CXADR: variants seen among roughly 807,000 people sequenced by gnomAD.
CXADR encodes the protein coxsackievirus and adenovirus receptor.
In CXADR, 20 loss-of-function variants were observed where a neutral mutation model predicts 40.3. The observed-to-expected ratio is 0.50, with a 90% confidence interval of 0.35 to 0.72. The LOEUF is 0.72. Among genes scored for constraint, CXADR ranks in the 30% least tolerant of loss-of-function variants. CXADR has a pLI of 0.01. For missense variants in CXADR, 332 were observed against 449.1 expected, an observed-to-expected ratio of 0.74 and a Z score of 2.36; for synonymous variants, 150 against 161.3, an observed-to-expected ratio of 0.93 and a Z score of 0.53.
At chr21:17,522,559 C>A (rs1407032561) in intron 1 of CXADR, among the ~76,000 whole-genome samples, 4 of 152,138 alleles carry the variant, frequency 2.6e-5, no homozygotes, top group Non-Finnish European at 5.9e-5. Flanking sequence ...TAATTTTCAT[C>A]CCCTTCTACT....
intron 1 of CXADR, among the ~76,000 whole-genome samples, chr21:17,524,943 C>G (rs1054091678): frequency 1.3e-5 from 2 of 152,106 alleles, no homozygotes; most frequent in African/African-American, 4.8e-5. Context: ...TAAATTAAGC[C>G]TTTGAGTTTA....
chr21:17,529,102 G>A (rs2060637464), intron 1 of CXADR, among the ~76,000 whole-genome samples: 1 of 147,130 alleles, frequency 6.8e-6, no homozygotes, highest in African/African-American at 2.5e-5. Flanking sequence ...GCAGTGGCGC[G>A]ATCTAGGCTC....
chr21:17,570,269 G>T (rs1047982223), downstream of CXADR, among the ~76,000 whole-genome samples: 5 of 152,110 alleles, frequency 3.3e-5, no homozygotes, highest in African/African-American at 7.2e-5. Flanking sequence ...TTGAAAACAT[G>T]TCAAGCATAC....
chr21:17,566,168 G>T lies in CXADR; in HGVS notation c.*476G>T. ...AAATATCCATGACAAAATTACTTACGTATGTTTGTACTTGGTTTTACAGCT... is the reference window on the plus strand; with the variant it reads ...AAATATCCATGACAAAATTACTTACTTATGTTTGTACTTGGTTTTACAGCT... On this transcript the variant is annotated 3_prime_UTR_variant, in exon 7 of 7. Transcript: ENST00000284878. The T allele has an allele frequency of 1.0e-6, 1 of 984,628 alleles. No homozygotes were observed. The highest frequency in any genetic ancestry group is 1.2e-6 in the Non-Finnish European group (1 of 829,248). 61.0% of individuals were successfully genotyped at this position (984,628 alleles called of 1,614,324 possible). A position where few individuals can be genotyped will look rare whatever the true frequency, so the allele number is the denominator to read the frequency against.
chr21:17,624,211 C>A, the CXADR span, among the ~76,000 whole-genome samples: 1 of 152,152 alleles, frequency 6.6e-6, no homozygotes, highest in African/African-American at 2.4e-5. Flanking sequence ...GCTATACTCA[C>A]CTCCCATTTC....
rs1382191634 is a variant in CXADR at position 17,524,041 on chromosome 21, T to TGC, written c.43+10871_43+10872dup. On this transcript the variant is annotated intron_variant, in intron 1 of 6. Coordinates refer to ENST00000284878, the MANE Select transcript of CXADR (RefSeq NM_001338.5). ...GCCCAGGCGATTTTGTGTGTGTGTG[T>TGC]GCGTGTGTGTGTGTGTGTGTGTGTG... 1.5e-5 allele frequency among the ~76,000 whole-genome samples: 2 copies of TGC among 134,380 alleles called. 1 individual carries two copies. The highest frequency in any genetic ancestry group is 4.7e-4 in the South Asian group (2 of 4,236). The allele number at this position is 134,380 out of a possible 152,430, so 88.2% of individuals were successfully genotyped here.
chr21:17,513,453 G>T (rs1369666275), intron 1 of CXADR, among the ~76,000 whole-genome samples: 1 of 152,200 alleles, frequency 6.6e-6, no homozygotes, highest in Non-Finnish European at 1.5e-5. Context: ...CGTGTCGGGT[G>T]CGCCTCGCAG....
intron 6 of CXADR, among the ~76,000 whole-genome samples, chr21:17,564,284 G>T (rs906682209): frequency 2.0e-5 from 3 of 148,680 alleles, no homozygotes; most frequent in Admixed American, 1.3e-4. Flanking sequence ...TTTGAGCCCA[G>T]GAGTTCAAGA....
chr21:17,514,109 C>T (rs1251845364), intron 1 of CXADR, among the ~76,000 whole-genome samples: 1 of 152,164 alleles, frequency 6.6e-6, no homozygotes, highest in Non-Finnish European at 1.5e-5. Flanking sequence ...GTTTGTCAAA[C>T]TAAGCACTTG....
intron 1 of CXADR, among the ~76,000 whole-genome samples, chr21:17,539,167 T>A (rs1208269915): frequency 1.3e-5 from 2 of 151,958 alleles, no homozygotes. Context: ...AGATAAGGAG[T>A]TCAAAGGAGA....
chr21:17,556,209 T>A (rs1165710289), intron 3 of CXADR, among the ~76,000 whole-genome samples: 2 of 152,222 alleles, frequency 1.3e-5, no homozygotes, highest in Admixed American at 6.5e-5. Flanking sequence ...TTTGTGGTTT[T>A]CTTCTGTTCC....
intron 3 of CXADR, among the ~76,000 whole-genome samples, chr21:17,555,220 A>G (rs2061019169): frequency 1.3e-5 from 2 of 152,212 alleles, no homozygotes; most frequent in South Asian, 4.1e-4. Flanking sequence ...AGAGCAGAAC[A>G]TGCACAGTTA....
At chr21:17,551,991 A>AATCATTCTCTTACTC in intron 3 of CXADR, 38 bp downstream of exon 3, 2 of 1,482,914 alleles carry the variant, frequency 1.3e-6, no homozygotes, top group Non-Finnish European at 9.4e-7. Context: ...GTTACTGAGT[A>AATCATTCTCTTACTC]AGAGAATGAT....
intron 2 of CXADR, among the ~76,000 whole-genome samples, chr21:17,547,686 A>G (rs1444595261): frequency 1.3e-5 from 2 of 152,234 alleles, no homozygotes; most frequent in African/African-American, 2.4e-5. Flanking sequence ...ATAGTATTAC[A>G]GTCTATTTTC....
At chr21:17,556,631 T>C (rs886536802) in intron 3 of CXADR, among the ~76,000 whole-genome samples, 1 of 152,224 alleles carries the variant, frequency 6.6e-6, no homozygotes, top group Non-Finnish European at 1.5e-5. Flanking sequence ...GCTCATTTCA[T>C]TGAAGACTCC....
chr21:17,580,579 C>G (rs148747717), intron 7 of CXADR, among the ~76,000 whole-genome samples: 1 of 152,050 alleles, frequency 6.6e-6, no homozygotes. Flanking sequence ...TACTGAACTC[C>G]GGCCTGGGTG....
intron 3 of CXADR, among the ~76,000 whole-genome samples, chr21:17,554,234 AACTGAAGAGAACATT>A (rs959224448): frequency 4.6e-5 from 7 of 151,916 alleles, no homozygotes; most frequent in African/African-American, 1.7e-4. Context: ...TGCAGTTCTC[AACTGAAGAGAACATT>A]ACAGCAGAAC....
At chr21:17,598,395 A>G (rs1338113709), downstream of CXADR, among the ~76,000 whole-genome samples, 2 of 152,196 alleles carry the variant, frequency 1.3e-5, no homozygotes, top group African/African-American at 2.4e-5. Context: ...TTTCTGAAAT[A>G]TATTTATCCT....
chr21:17,558,875 C>G, intron 3 of CXADR, 101 bp from the exon 4 acceptor site: 1 of 1,252,452 alleles, frequency 8.0e-7, no homozygotes. Context: ...ATTCTGAACC[C>G]AGAACCAACT....
Sources: gnomAD v4.1 joint callset for allele counts (sites outside exome capture counted in the v4.1 genomes callset) on GRCh38, gnomAD v4.1.1 for gene constraint, MANE v1.5 for transcripts, NCBI Gene and HGNC (gene_info 2026-07-23, HGNC 2026-07-21) for gene names.